SCEL: variants seen among roughly 807,000 people sequenced by gnomAD.
SCEL encodes sciellin.
SCEL carries 113 observed loss-of-function variants against 117.6 expected under a neutral mutation model. The ratio of observed to expected loss-of-function variants is 0.96; its 90% CI spans 0.83 to 1.12. The LOEUF (loss-of-function observed/expected upper bound fraction) is 1.12, where lower values mean the gene tolerates loss of function less well. Ranked by LOEUF, SCEL falls within the 50% of genes most tolerant of loss-of-function variation. The pLI is 0.00. For missense variants in SCEL, 785 were observed against 810.8 expected (o/e 0.97, Z 0.39); for synonymous variants, 270 against 256.2 (o/e 1.05, Z -0.51).
chr13:77,593,653 C>G (rs2087050537), intron 12 of SCEL, 80 bp downstream of exon 12: 1 of 950,296 alleles, frequency 1.1e-6, no homozygotes, highest in African/African-American at 1.7e-5. Context: ...TTAAAAGTTC[C>G]AAATATGAAC....
intron 9 of SCEL, among the ~76,000 whole-genome samples, chr13:77,575,530 A>G (rs1198259073): frequency 6.6e-6 from 1 of 152,230 alleles, no homozygotes; most frequent in East Asian, 1.9e-4. Context: ...TATGTATGAT[A>G]TACATTAGTT....
At chr13:77,557,640 T>G (rs2084736941) in intron 3 of SCEL, among the ~76,000 whole-genome samples, 1 of 152,220 alleles carries the variant, frequency 6.6e-6, no homozygotes, top group Non-Finnish European at 1.5e-5. Flanking sequence ...CGAATGTTTC[T>G]CAACCAGGGG....
At chr13:77,611,551 G>A (rs2154403077) in intron 22 of SCEL, among the ~76,000 whole-genome samples, 1 of 152,288 alleles carries the variant, frequency 6.6e-6, no homozygotes, top group African/African-American at 2.4e-5. Flanking sequence ...AGATGACTTA[G>A]TTTCTAAAGG....
chr13:77,599,910 A>G, intron 15 of SCEL, 162 bp downstream of exon 15: 1 of 593,866 alleles, frequency 1.7e-6, no homozygotes, highest in Non-Finnish European at 3.0e-6. Flanking sequence ...TTTGCCACCA[A>G]CATCAATCTG....
chr13:77,640,368 C>T (rs2090501808), intron 30 of SCEL, among the ~76,000 whole-genome samples: 1 of 152,076 alleles, frequency 6.6e-6, no homozygotes. Flanking sequence ...CTGAGGAGTA[C>T]TTGAGATATT....
Position 77,604,416 on chromosome 13 carries a change from G to T in SCEL, c.1157+1G>T. The T allele has an allele frequency of 1.3e-6, 2 of 1,574,720 alleles. No individual in the cohort carries two copies. Among genetic ancestry groups the T allele is most frequent in the Non-Finnish European group, 1.7e-6 (2 of 1,168,810 alleles). ...CTGAAACAAATAAAAATATTACGAG[G>T]TAAGACATTTAAAGCTCCCCCCTCC... On this transcript the variant is annotated splice_donor_variant, in intron 19 of 32. Transcript: ENST00000349847. LOFTEE classifies it high-confidence loss of function.
In SCEL at chr13:77,575,882, GTTTTC is replaced by G. The variant is rs1290641310; in HGVS notation, c.545+3699_545+3703del. 3.9e-5 allele frequency among the ~76,000 whole-genome samples: 6 copies of G among 152,222 alleles called. No homozygotes were observed. In the South Asian group the frequency reaches 6.2e-4, roughly 16 times the overall value. On this transcript the variant is annotated intron_variant, in intron 9 of 32. Coordinates refer to ENST00000349847, the MANE Select transcript of SCEL (RefSeq NM_144777.3). The stretch of plus-strand genomic sequence containing the variant: ...CTTTGAAGTCTTCTTGTCAGAACAT[GTTTTC>G]TTTTCATTTTAATCAAGACTGAATC...
chr13:77,589,321 T>C, intron 10 of SCEL, 97 bp downstream of exon 10: 1 of 820,648 alleles, frequency 1.2e-6, no homozygotes, highest in Non-Finnish European at 2.0e-6. Flanking sequence ...CATGAATGTT[T>C]TGTGTGCACA....
chr13:77,626,263 G>A (rs958068090), intron 27 of SCEL, among the ~76,000 whole-genome samples: 5 of 151,782 alleles, frequency 3.3e-5, no homozygotes, highest in African/African-American at 1.2e-4. Context: ...AATAGTGAGG[G>A]GACAACCACT....
At chr13:77,573,738 A>G (rs1254427264) in intron 9 of SCEL, among the ~76,000 whole-genome samples, 1 of 152,068 alleles carries the variant, frequency 6.6e-6, no homozygotes, top group Admixed American at 6.6e-5. Flanking sequence ...CTATAACTAA[A>G]TCAAATTACT....
intron 18 of SCEL, among the ~76,000 whole-genome samples, chr13:77,603,720 C>T (rs1290215413): frequency 2.6e-5 from 4 of 152,076 alleles, no homozygotes; most frequent in Non-Finnish European, 5.9e-5. Context: ...GCCTGTGTCC[C>T]CCTGGGGAGT....
chr13:77,597,808 C>T lies in SCEL; in HGVS notation c.797+219C>T, dbSNP rs76084263. 4.0e-3 allele frequency among the ~76,000 whole-genome samples: 612 copies of T among 152,030 alleles called. 5 individuals carry two copies. The highest frequency in any genetic ancestry group is 0.018 in the East Asian group (93 of 5,182). ...TATGAAAGTGTTCTTGATTTTCATA[C>T]GCCATTTGTTTATTAAGGCAGTTAT... On this transcript the variant is annotated intron_variant, in intron 13 of 32. Transcript: ENST00000349847.
intron 1 of SCEL, among the ~76,000 whole-genome samples, chr13:77,545,948 G>T: frequency 6.6e-6 from 1 of 152,224 alleles, no homozygotes; most frequent in East Asian, 1.9e-4. Flanking sequence ...GCATCCTTAT[G>T]AAACTATTAT....
rs139469817 is a variant in SCEL at position 77,556,703 on chromosome 13, G to A, written c.151G>A (p.Glu51Lys). ...QDNSWIKKRPEEEKDENYGRV... is the reference protein window; with the variant it reads ...QDNSWIKKRPKEEKDENYGRV... ...TAACAGTTGGATAAAGAAACGCCCT[G>A]AAGAAGAAAAGTAAGCTGGTGTGGA... Residue 51 changes from glutamate to lysine, a missense_variant, in exon 3 of 33, where the codon GAA (glutamate) becomes AAA (lysine). Glu to Lys is a moderately conservative substitution (Grantham distance 56). Transcript: ENST00000349847. The A allele has an allele frequency of 3.7e-5, 60 of 1,612,604 alleles. No homozygotes were observed. The African/African-American group carries it at 6.5e-4, about 18-fold the overall frequency.
chr13:77,616,618 A>T (rs2089064803), intron 24 of SCEL, among the ~76,000 whole-genome samples: 1 of 152,012 alleles, frequency 6.6e-6, no homozygotes, highest in Non-Finnish European at 1.5e-5. Flanking sequence ...AATAAATCAA[A>T]CTAAATGAAG....
At chr13:77,572,621 T>C (rs182606717) in intron 9 of SCEL, among the ~76,000 whole-genome samples, 15 of 152,294 alleles carry the variant, frequency 9.8e-5, no homozygotes, top group Non-Finnish European at 1.9e-4. Context: ...CTGGTAATCA[T>C]TGACATTGCC....
In SCEL at chr13:77,618,013, G is replaced by T. The variant is rs773005286; in HGVS notation, c.1581G>T (p.Leu527Phe). 1 of 1,613,192 alleles carries T rather than the reference G, an allele frequency of 6.2e-7. No homozygotes were observed. Among genetic ancestry groups the T allele is most frequent in the Non-Finnish European group, 8.5e-7 (1 of 1,179,334 alleles). Reference protein sequence around the residue: ...AVIRNNQSQDLDNLIKVKPSA... With the variant: ...AVIRNNQSQDFDNLIKVKPSA... ...TCTCTCTTTTAAACAGCCAAGACTTGGACAATCTTATTAAAGTGAAACCTT... is the reference window on the plus strand; with the variant it reads ...TCTCTCTTTTAAACAGCCAAGACTTTGACAATCTTATTAAAGTGAAACCTT... The change falls in exon 27 of 33, where the codon TTG becomes TTT. Residue 527 changes from leucine to phenylalanine, a missense_variant. By Grantham distance (22) the Leu-to-Phe change is conservative. Transcript: ENST00000349847.
At chr13:77,537,931 T>G (rs555698710) in intron 1 of SCEL, among the ~76,000 whole-genome samples, 1 of 152,184 alleles carries the variant, frequency 6.6e-6, no homozygotes, top group Non-Finnish European at 1.5e-5. Flanking sequence ...ATCTTTGGCC[T>G]TGCAGTCCAA....
chr13:77,584,264 A>G (rs2086435482), intron 9 of SCEL, among the ~76,000 whole-genome samples: 1 of 152,126 alleles, frequency 6.6e-6, no homozygotes, highest in African/African-American at 2.4e-5. Context: ...CACGACATGA[A>G]TGACTCCTCT....
Sources: gnomAD v4.1 joint callset for allele counts (sites outside exome capture counted in the v4.1 genomes callset) on GRCh38, gnomAD v4.1.1 for gene constraint, MANE v1.5 for transcripts, NCBI Gene and HGNC (gene_info 2026-07-23, HGNC 2026-07-21) for gene names.